Variants in PLEKHD1 observed in about 807,000 individuals in gnomAD.
PLEKHD1 encodes the protein pleckstrin homology and coiled-coil domain containing D1.
PLEKHD1 carries 51 observed loss-of-function variants against 69.2 expected under a neutral mutation model. That is an observed-to-expected ratio of 0.74 (90% CI 0.59 to 0.93). The LOEUF is 0.93. Ranked by LOEUF, PLEKHD1 falls within the 40% of genes least tolerant of loss-of-function variation. The pLI is 0.00. For missense variants in PLEKHD1, 584 were observed against 641.0 expected (o/e 0.91, Z 0.96); for synonymous variants, 236 against 244.7 (o/e 0.96, Z 0.33).
intron 6 of PLEKHD1, among the ~76,000 whole-genome samples, chr14:69,511,981 C>T (rs576911493): frequency 6.6e-6 from 1 of 152,214 alleles, no homozygotes; most frequent in Non-Finnish European, 1.5e-5. Context: ...GGTATAGTTT[C>T]TTAAATGTTT....
chr14:69,519,474 G>A (rs138007373), intron 6 of PLEKHD1, among the ~76,000 whole-genome samples: 4 of 152,084 alleles, frequency 2.6e-5, no homozygotes, highest in Non-Finnish European at 4.4e-5. Flanking sequence ...AATGCTGTGC[G>A]GGCACATGTA....
chr14:69,501,028 G>A, intron 4 of PLEKHD1, 81 bp downstream of exon 4: 1 of 1,407,484 alleles, frequency 7.1e-7, no homozygotes. Context: ...CTGCCTCTCT[G>A]CTGGGATCCT....
At position 69,527,618 on chromosome 14, in the gene PLEKHD1, G is replaced by A. The variant is rs191202972; in HGVS notation, c.1202-165G>A. On this transcript the variant is annotated intron_variant, in intron 11 of 12. Coordinates refer to ENST00000322564, the MANE Select transcript of PLEKHD1 (RefSeq NM_001161498.2). The stretch of plus-strand genomic sequence containing the variant: ...TGCCCTGAGATGGCTGCAGATTGTG[G>A]TTTGAAAGGCAAAGAAAGTCCCCTT... 4.5e-3 allele frequency among the ~76,000 whole-genome samples: 690 copies of A among 152,354 alleles called. 1 individual carries two copies. The highest frequency in any genetic ancestry group is 0.017 in the Middle Eastern group (5 of 294).
At chr14:69,521,363 G>T (rs1468081592) in intron 6 of PLEKHD1, among the ~76,000 whole-genome samples, 1 of 152,138 alleles carries the variant, frequency 6.6e-6, no homozygotes, top group African/African-American at 2.4e-5. Context: ...TTCCTTCTTT[G>T]CATCTCCTCA....
At chr14:69,469,324 G>A in the PLEKHD1 span, among the ~76,000 whole-genome samples, 1 of 152,170 alleles carries the variant, frequency 6.6e-6, no homozygotes, top group African/African-American at 2.4e-5. Flanking sequence ...TATGAATAAG[G>A]TCAGGTTGGA....
At chr14:69,526,343 G>A (rs1235729140) in intron 9 of PLEKHD1, among the ~76,000 whole-genome samples, 2 of 152,200 alleles carry the variant, frequency 1.3e-5, no homozygotes, top group East Asian at 1.9e-4. Flanking sequence ...TGTGAACCAT[G>A]CAGACTTATT....
chr14:69,484,908 G>T lies in PLEKHD1; in HGVS notation c.-58G>T. Reference sequence around the variant, plus strand: ...GCTCCGCCCTCGCCTCTCGCCCCGAGTCCCTGCTGACCCCGGGGAGGTGGG... The same window carrying T: ...GCTCCGCCCTCGCCTCTCGCCCCGATTCCCTGCTGACCCCGGGGAGGTGGG... On this transcript the variant is annotated 5_prime_UTR_variant, in exon 1 of 13. Coordinates refer to ENST00000322564, the MANE Select transcript of PLEKHD1 (RefSeq NM_001161498.2). 1 of 1,531,210 alleles carries T rather than the reference G, an allele frequency of 6.5e-7. No individual in the cohort carries two copies. 94.9% of individuals were successfully genotyped at this position (1,531,210 alleles called of 1,614,324 possible). A position where few individuals can be genotyped will look rare whatever the true frequency, so the allele number is the denominator to read the frequency against.
intron 6 of PLEKHD1, among the ~76,000 whole-genome samples, chr14:69,507,005 G>C (rs190196101): frequency 7.3e-5 from 11 of 149,960 alleles, no homozygotes; most frequent in African/African-American, 2.5e-4. Flanking sequence ...TGGGTTCAAG[G>C]GATTCTCCTG....
At chr14:69,499,631 A>G (rs967280874) in intron 1 of PLEKHD1, among the ~76,000 whole-genome samples, 2 of 152,236 alleles carry the variant, frequency 1.3e-5, no homozygotes, top group Non-Finnish European at 2.9e-5. Flanking sequence ...GCAGCCTGAG[A>G]CAAACGGAAT....
chr14:69,498,198 C>T (rs1412925185), intron 1 of PLEKHD1, among the ~76,000 whole-genome samples: 5 of 151,796 alleles, frequency 3.3e-5, no homozygotes, highest in Non-Finnish European at 7.4e-5. Flanking sequence ...CCTGCCACAG[C>T]CTCCTGAGTA....
At chr14:69,481,347 C>A (rs961169893), upstream of PLEKHD1, among the ~76,000 whole-genome samples, 1 of 152,158 alleles carries the variant, frequency 6.6e-6, no homozygotes, top group Non-Finnish European at 1.5e-5. Context: ...AAAATATGTT[C>A]ATTAGGAGTC....
rs575110422 is a variant in PLEKHD1, at chr14:69,500,224, C to T, written c.243+16C>T. ...ACATCCTAAGGTGAGGCGGCCCCTC[C>T]CAGGGCCACAGCAGGGGAGGGCCCA... On this transcript the variant is annotated intron_variant, in intron 2 of 12. Transcript: ENST00000322564. 95 of 1,521,300 alleles carry T rather than the reference C, an allele frequency of 6.2e-5. No homozygotes were observed. Among genetic ancestry groups the T allele is most frequent in the Non-Finnish European group, 8.1e-5 (91 of 1,119,820 alleles). The allele number at this position is 1,521,300 out of a possible 1,614,324, so 94.2% of individuals were successfully genotyped here. A position where few individuals can be genotyped will look rare whatever the true frequency, so the allele number is the denominator to read the frequency against.
intron 1 of PLEKHD1, among the ~76,000 whole-genome samples, chr14:69,493,872 G>A (rs1882829532): frequency 6.6e-6 from 1 of 152,244 alleles, no homozygotes; most frequent in African/African-American, 2.4e-5. Context: ...AAGGGCCAGA[G>A]CTGATGGGCA....
At chr14:69,503,656 A>T (rs1301002546) in intron 6 of PLEKHD1, 1 of 139,130 alleles carries the variant, frequency 7.2e-6, no homozygotes, top group East Asian at 2.1e-4. Context: ...GCGCCACTGC[A>T]CTCCAGCCTG....
intron 6 of PLEKHD1, among the ~76,000 whole-genome samples, chr14:69,507,811 A>G (rs1386866547): frequency 6.6e-6 from 1 of 152,064 alleles, no homozygotes; most frequent in Non-Finnish European, 1.5e-5. Context: ...TGGGTTTAAG[A>G]GATCCTCTCA....
At chr14:69,485,639 G>A (rs547004698) in intron 1 of PLEKHD1, among the ~76,000 whole-genome samples, 1 of 152,294 alleles carries the variant, frequency 6.6e-6, no homozygotes, top group Admixed American at 6.5e-5. Flanking sequence ...GCCAGGAAGG[G>A]TGCTTGTCCA....
the PLEKHD1 span, among the ~76,000 whole-genome samples, chr14:69,476,257 C>CAAAAAA: frequency 2.5e-4 from 19 of 77,292 alleles, 1 homozygote; most frequent in East Asian, 8.3e-4. Context: ...GACTCTGTCT[C>CAAAAAA]AAAAAAAAAA....
rs761396932 is a variant in PLEKHD1, at chr14:69,525,991, C to A, written c.792C>A (p.Asn264Lys). 2 of 1,551,520 alleles carry A rather than the reference C, an allele frequency of 1.3e-6. No individual in the cohort carries two copies. The highest frequency in any genetic ancestry group is 2.4e-5 in the East Asian group (1 of 40,914). Residue 264 changes from asparagine to lysine, a missense_variant, in exon 9 of 13, where the codon AAC becomes AAA. Asn to Lys is a moderately conservative substitution (Grantham distance 94, BLOSUM62 0). Coordinates refer to ENST00000322564, the MANE Select transcript of PLEKHD1 (RefSeq NM_001161498.2). The part of the protein sequence containing the change: ...KKKTLEMLEE[N>K]ENHLQTLANQ... Reference sequence around the variant, plus strand: ...AAACCCTGGAAATGCTGGAGGAGAACGAGAACCACCTGCAGACACTGGCCA... The same window carrying A: ...AAACCCTGGAAATGCTGGAGGAGAAAGAGAACCACCTGCAGACACTGGCCA...
intron 1 of PLEKHD1, among the ~76,000 whole-genome samples, chr14:69,490,770 G>A (rs1882761045): frequency 6.6e-6 from 1 of 152,090 alleles, no homozygotes; most frequent in Admixed American, 6.5e-5. Context: ...CACACACTGG[G>A]GCTGTGTCAT....
Sources: allele counts gnomAD v4.1 joint callset (sites outside exome capture counted in the v4.1 genomes callset), GRCh38; gene constraint gnomAD v4.1.1; transcripts MANE v1.5; gene names NCBI Gene and HGNC (gene_info 2026-07-23, HGNC 2026-07-21).